Variants in AP1B1 observed in about 807,000 individuals in gnomAD.
AP1B1 encodes the protein AP-1 complex subunit beta-1.
Under a neutral mutation model 104.3 loss-of-function variants are expected in AP1B1, and 36 were observed. The observed-to-expected ratio is 0.35, with a 90% CI of 0.26 to 0.46. AP1B1 has a LOEUF of 0.46. Among genes scored for constraint, AP1B1 ranks in the 20% least tolerant of loss-of-function variants. The pLI is 1.00. For synonymous variants in AP1B1, 504 were observed against 517.5 expected, an observed-to-expected ratio of 0.97 and a Z score of 0.35; for missense variants, 901 against 1,247.9, an observed-to-expected ratio of 0.72 and a Z score of 4.19.
intron 2 of AP1B1, among the ~76,000 whole-genome samples, chr22:29,365,388 G>C (rs1441946039): frequency 6.6e-6 from 1 of 152,176 alleles, no homozygotes; most frequent in African/African-American, 2.4e-5. Flanking sequence ...GCACGTGCCT[G>C]TAGTCCCAGC....
In AP1B1 at chr22:29,328,921, A is replaced by G; in HGVS notation, c.2776-26T>C. 6.3e-7 allele frequency: 1 copy of G among 1,598,076 alleles called. No homozygotes were observed. The highest frequency in any genetic ancestry group is 2.3e-5 in the East Asian group (1 of 44,356). The stretch of plus-strand genomic sequence containing the variant: ...CTGCAGGGGAGAGAGGGGTCGGGGG[A>G]AAGAGCGCTCATCCCTGGGGTTCCT... On this transcript the variant is annotated intron_variant, in intron 22 of 22. Transcript: ENST00000357586. This position sits in a 1 kb window ranked among gnomAD's most constrained non-coding sequence, Gnocchi z 4.1.
At chr22:29,375,349 CAAAAAAAAAAA>C (rs547697174) in intron 1 of AP1B1, among the ~76,000 whole-genome samples, 1 of 57,358 alleles carries the variant, frequency 1.7e-5, no homozygotes, top group Non-Finnish European at 3.2e-5. Context: ...GATTCCATCA[CAAAAAAAAAAA>C]AAAAAAAAAA....
intron 1 of AP1B1, among the ~76,000 whole-genome samples, chr22:29,368,091 A>T (rs978437227): frequency 1.3e-5 from 2 of 152,132 alleles, no homozygotes; most frequent in Non-Finnish European, 2.9e-5. Context: ...TGAGGTCAGG[A>T]GTTTGAAACC....
intron 8 of AP1B1, chr22:29,351,486 G>A (rs1351380081): frequency 6.0e-6 from 5 of 832,148 alleles, no homozygotes; most frequent in East Asian, 5.4e-5. Flanking sequence ...CCAACACCAC[G>A]TTGTAAGGGA....
intron 18 of AP1B1, 58 bp downstream of exon 18, chr22:29,331,729 G>C: frequency 1.2e-6 from 2 of 1,613,972 alleles, no homozygotes; most frequent in Non-Finnish European, 1.7e-6. Context: ...ACTGACCCCA[G>C]TGGGGCCCGG....
At chr22:29,382,932 T>C (rs941913112) in intron 1 of AP1B1, among the ~76,000 whole-genome samples, 1 of 152,230 alleles carries the variant, frequency 6.6e-6, no homozygotes, top group Non-Finnish European at 1.5e-5. Flanking sequence ...TCCTGACATC[T>C]GACCTATATT....
chr22:29,356,899 C>G (rs1207309294), intron 5 of AP1B1, among the ~76,000 whole-genome samples: 1 of 152,200 alleles, frequency 6.6e-6, no homozygotes. Context: ...CACAGCAGCG[C>G]CTGTCTACCA....
At chr22:29,329,809 C>T in intron 21 of AP1B1, 89 bp from the exon 22 acceptor site, 1 of 1,587,034 alleles carries the variant, frequency 6.3e-7, no homozygotes, top group Non-Finnish European at 8.6e-7. Flanking sequence ...ACGCCACAGC[C>T]CCCCACCGAC....
intron 2 of AP1B1, among the ~76,000 whole-genome samples, chr22:29,363,877 A>G (rs2062091218): frequency 2.0e-5 from 3 of 152,118 alleles, no homozygotes; most frequent in Non-Finnish European, 4.4e-5. Flanking sequence ...TGGGGGACAC[A>G]AAGTGAGATC....
At chr22:29,384,626 G>T (rs2062491851) in intron 1 of AP1B1, among the ~76,000 whole-genome samples, 1 of 152,142 alleles carries the variant, frequency 6.6e-6, no homozygotes, top group South Asian at 2.1e-4. Flanking sequence ...CCAGCACTTT[G>T]GGAGGCCGAG....
At chr22:29,374,655 G>A (rs939644334) in intron 1 of AP1B1, among the ~76,000 whole-genome samples, 2 of 152,270 alleles carry the variant, frequency 1.3e-5, no homozygotes, top group African/African-American at 2.4e-5. Context: ...GTAAATAGGC[G>A]CCCTCATTTG....
At chr22:29,332,505 C>T (rs962280374) in intron 17 of AP1B1, among the ~76,000 whole-genome samples, 20 of 152,208 alleles carry the variant, frequency 1.3e-4, no homozygotes, top group East Asian at 5.8e-4. Flanking sequence ...ACGCCAGCAG[C>T]AGGCTCTTGG....
chr22:29,335,506 C>T (rs1396449442), intron 16 of AP1B1, among the ~76,000 whole-genome samples: 1 of 151,848 alleles, frequency 6.6e-6, no homozygotes, highest in Non-Finnish European at 1.5e-5. Context: ...TTCTCTCCAT[C>T]TCCAGAGGTG....
At chr22:29,377,679 G>T (rs1300565588) in intron 1 of AP1B1, among the ~76,000 whole-genome samples, 1 of 151,740 alleles carries the variant, frequency 6.6e-6, no homozygotes, top group African/African-American at 2.4e-5. Flanking sequence ...GCATGGTGGC[G>T]GGCGCCTGTA....
At chr22:29,363,213 T>C (rs537667630) in intron 2 of AP1B1, 107 bp from the exon 3 acceptor site, 145 of 654,204 alleles carry the variant, frequency 2.2e-4, no homozygotes, top group African/African-American at 2.0e-3. Flanking sequence ...AGACATCCTA[T>C]GCTGTTGGCT....
intron 19 of AP1B1, 29 bp from the exon 20 acceptor site, chr22:29,330,738 G>A (rs1295190446): frequency 1.9e-6 from 3 of 1,589,238 alleles, no homozygotes; most frequent in Admixed American, 1.7e-5. Context: ...GGGGATGAGA[G>A]GCGAGCCCCT....
chr22:29,374,516 TTAATA>T (rs1176835505), intron 1 of AP1B1, among the ~76,000 whole-genome samples: 2 of 151,964 alleles, frequency 1.3e-5, no homozygotes. Flanking sequence ...AGAAAGTGAA[TTAATA>T]TAATGGTTCA....
chr22:29,359,874 C>G lies in AP1B1; in HGVS notation c.229G>C (p.Ala77Pro). The G allele has an allele frequency of 6.2e-7, 1 of 1,613,890 alleles. No homozygotes were observed. Among genetic ancestry groups the G allele is most frequent in the Non-Finnish European group, 8.5e-7 (1 of 1,179,912 alleles). Reference protein sequence around the residue: ...KLVYLYLMNYAKSQPDMAIMA... With the variant: ...KLVYLYLMNYPKSQPDMAIMA... ...ATGGCCATGTCAGGCTGACTCTTGG[C>G]GTAATTCATCAAGTAGAGGTATACT... Residue 77 changes from alanine to proline, a missense_variant, in exon 4 of 23, where the codon GCC becomes CCC. Ala to Pro is a conservative substitution (Grantham distance 27). Coordinates refer to ENST00000357586, the MANE Select transcript of AP1B1 (RefSeq NM_001127.4).
chr22:29,349,894 T>A (rs996863662), intron 10 of AP1B1, 141 bp downstream of exon 10: 2 of 715,642 alleles, frequency 2.8e-6, no homozygotes, highest in African/African-American at 3.5e-5. Flanking sequence ...GTGGACGAAA[T>A]AAAAAACAAA....
Sources: gnomAD v4.1 joint callset for allele counts (sites outside exome capture counted in the v4.1 genomes callset) on GRCh38, gnomAD v4.1.1 for gene constraint, Gnocchi (gnomAD v3.1) non-coding constraint, MANE v1.5 for transcripts, NCBI Gene and HGNC (gene_info 2026-07-23, HGNC 2026-07-21) for gene names.